Variants in EPS15 observed in about 807,000 individuals in gnomAD.
EPS15 encodes the protein epidermal growth factor receptor substrate 15.
Under a neutral mutation model 113.8 loss-of-function variants are expected in EPS15, and 72 were observed. The ratio of observed to expected loss-of-function variants is 0.63; its 90% CI spans 0.52 to 0.77. The LOEUF (loss-of-function observed/expected upper bound fraction) is 0.77. Among genes scored for constraint, EPS15 ranks in the 30% least tolerant of loss-of-function variants. The pLI is 0.00. For missense variants in EPS15, 1,048 were observed against 1,045.8 expected, an observed-to-expected ratio of 1.00 and a Z score of -0.03; for synonymous variants, 344 against 363.4, an observed-to-expected ratio of 0.95 and a Z score of 0.61.
At chr1:51,375,205 G>A (rs982435071) in intron 21 of EPS15, among the ~76,000 whole-genome samples, 1 of 151,108 alleles carries the variant, frequency 6.6e-6, no homozygotes, top group Non-Finnish European at 1.5e-5. Flanking sequence ...GTTTCACTGT[G>A]TTAGCTAGGA....
intron 4 of EPS15, among the ~76,000 whole-genome samples, chr1:51,469,085 G>A (rs967388785): frequency 5.3e-5 from 8 of 152,160 alleles, no homozygotes; most frequent in East Asian, 1.9e-4. Context: ...AGCCGAGATC[G>A]GGCTACTGCG....
chr1:51,409,562 T>C lies in EPS15; in HGVS notation c.1248A>G (p.Arg416=), dbSNP rs759083355. Residue 416 remains arginine, a synonymous_variant, in exon 14 of 25, where the codon AGA becomes AGG. Coordinates refer to ENST00000371733, the MANE Select transcript of EPS15 (RefSeq NM_001981.3). The part of the protein sequence containing the change: ...AQLEEQLKEV[R]KKCAEEAQLI... ...GTTGGGCCTCCTCAGCACATTTCTT[T>C]CTGACTTCCTTGAGTTGCTCCTCCA... 6.2e-7 allele frequency: 1 copy of C among 1,613,620 alleles called. No homozygotes were observed. Among genetic ancestry groups the C allele is most frequent in the East Asian group, 2.2e-5 (1 of 44,872 alleles).
In EPS15 at chr1:51,356,269, C is replaced by CA. The variant is rs1469568207; in HGVS notation, c.*430dup. 4.5e-6 allele frequency: 1 copy of CA among 224,546 alleles called. No homozygotes were observed. Among genetic ancestry groups the CA allele is most frequent in the East Asian group, 6.5e-5 (1 of 15,350 alleles). 13.9% of individuals were successfully genotyped at this position (224,546 alleles called of 1,614,324 possible). On this transcript the variant is annotated 3_prime_UTR_variant, in exon 25 of 25. Coordinates refer to ENST00000371733, the MANE Select transcript of EPS15 (RefSeq NM_001981.3). ...AATAAGATATTCTTTCCCTTACCCT[C>CA]ACTCAACCATTCCAATCAGGGGAGA...
rs1649087014 is a variant in EPS15 at position 51,405,989 on chromosome 1, G to A, written c.1593C>T (p.Thr531=). The change falls in exon 16 of 25, where the codon ACC becomes ACT. Residue 531 remains threonine, a synonymous_variant. Transcript: ENST00000371733. ...TAAGGTTGGCTGTTTCACTGCTGCT[G>A]GTGCTGAGGCTGCAATAATCTGTAG... ...NGATDYCSLS[T]SSSETANLNE... 1 of 1,614,038 alleles carries A rather than the reference G, an allele frequency of 6.2e-7. No individual in the cohort carries two copies. Among genetic ancestry groups the A allele is most frequent in the African/African-American group, 1.3e-5 (1 of 74,932 alleles).
chr1:51,443,850 T>G (rs1312336074), intron 11 of EPS15, among the ~76,000 whole-genome samples: 1 of 151,964 alleles, frequency 6.6e-6, no homozygotes. Flanking sequence ...AGAGACAGGG[T>G]CTTGCTATGT....
chr1:51,510,207 A>G (rs1335841020), intron 1 of EPS15, among the ~76,000 whole-genome samples: 1 of 152,214 alleles, frequency 6.6e-6, no homozygotes, highest in Non-Finnish European at 1.5e-5. Flanking sequence ...AAACACACGC[A>G]CACACACACC....
At position 51,449,905 on chromosome 1, in the gene EPS15, C is replaced by T. The variant is rs79091616; in HGVS notation, c.562-1770G>A. Among the ~76,000 whole-genome samples the T allele has an allele frequency of 6.4e-3, 975 of 151,840 alleles. 11 individuals are homozygous for T. Among genetic ancestry groups the T allele is most frequent in the South Asian group, 0.029 (142 of 4,824 alleles). On this transcript the variant is annotated intron_variant, in intron 8 of 24. Transcript: ENST00000371733. ...AGGAAGCCATGGTTGCAAAAAACTC[C>T]AAGTGCAGGGCAGCTTGATTCCAGG... is the stretch of plus-strand genomic sequence containing the variant.
At position 51,493,579 on chromosome 1, in the gene EPS15, A is replaced by AAAAT. The variant is rs1553136853; in HGVS notation, c.34-12269_34-12266dup. The stretch of plus-strand genomic sequence containing the variant: ...AAATAAATAAATAAATAAATAAATA[A>AAAAT]AAATAAAGCTCTATTCTTTTGAGGC... On this transcript the variant is annotated intron_variant, in intron 1 of 24. Transcript: ENST00000371733. Among the ~76,000 whole-genome samples, 1,185 of 140,980 alleles carry AAAAT rather than the reference A, an allele frequency of 8.4e-3. 9 individuals carry two copies. Among genetic ancestry groups the AAAAT allele is most frequent in the South Asian group, 0.012 (55 of 4,458 alleles). 92.5% of individuals were successfully genotyped at this position (140,980 alleles called of 152,430 possible).
At chr1:51,501,445 G>C (rs1269648676) in intron 1 of EPS15, among the ~76,000 whole-genome samples, 1 of 152,010 alleles carries the variant, frequency 6.6e-6, no homozygotes, top group Non-Finnish European at 1.5e-5. Context: ...GTTACTCATT[G>C]GTAGTATTAT....
chr1:51,506,374 T>G (rs1413758859), intron 1 of EPS15, among the ~76,000 whole-genome samples: 2 of 152,164 alleles, frequency 1.3e-5, no homozygotes, highest in South Asian at 4.1e-4. Context: ...CTTTCCTAAC[T>G]GGCCTCATAA....
At chr1:51,401,161 G>T in intron 18 of EPS15, 1 of 413,076 alleles carries the variant, frequency 2.4e-6, no homozygotes, top group Non-Finnish European at 4.3e-6. Flanking sequence ...TACGGATGGA[G>T]GGGAAGACAT....
chr1:51,481,454 T>C, intron 1 of EPS15, 140 bp from the exon 2 acceptor site: 1 of 599,264 alleles, frequency 1.7e-6, no homozygotes, highest in East Asian at 3.1e-5. Context: ...ATTTTGTTTC[T>C]TCTTGGGGAG....
intron 11 of EPS15, among the ~76,000 whole-genome samples, chr1:51,442,648 A>C (rs1283079692): frequency 1.3e-5 from 2 of 152,196 alleles, no homozygotes; most frequent in East Asian, 3.8e-4. Flanking sequence ...TGGATCAGAG[A>C]GCCTAGGGAA....
intron 5 of EPS15, among the ~76,000 whole-genome samples, 160 bp downstream of exon 5, chr1:51,468,313 T>C (rs1457619531): frequency 6.6e-6 from 1 of 151,960 alleles, no homozygotes; most frequent in African/African-American, 2.4e-5. Context: ...CACAAGAAAT[T>C]AACTAAAAAC....
chr1:51,471,290 G>A lies in EPS15; in HGVS notation c.213+400C>T, dbSNP rs140991333. On this transcript the variant is annotated intron_variant, in intron 4 of 24. Transcript: ENST00000371733. ...AATCATTTTTTGGTTTATATATCAG[G>A]AGTAAGATCTAGACCAGAATACTCA... 8.0e-3 allele frequency among the ~76,000 whole-genome samples: 1,225 copies of A among 152,226 alleles called. 14 individuals carry two copies. The highest frequency in any genetic ancestry group is 0.027 in the African/African-American group (1,110 of 41,514).
In EPS15 at chr1:51,483,256, A is replaced by C. The variant is rs551499123; in HGVS notation, c.34-1942T>G. 2.6e-5 allele frequency among the ~76,000 whole-genome samples: 4 copies of C among 152,298 alleles called. No homozygotes were observed. In the South Asian group the frequency reaches 8.3e-4, roughly 32 times the overall value. The stretch of plus-strand genomic sequence containing the variant: ...AGAGAGAGAGAAACCACATTCACAT[A>C]AATTTTATTACAGCATATTGTTATA... On this transcript the variant is annotated intron_variant, in intron 1 of 24. Coordinates refer to ENST00000371733, the MANE Select transcript of EPS15 (RefSeq NM_001981.3).
chr1:51,355,283 C>A lies in EPS15; in HGVS notation c.*1417G>T. 1 of 218,114 alleles carries A rather than the reference C, an allele frequency of 4.6e-6. No homozygotes were observed. The highest frequency in any genetic ancestry group is 9.2e-6 in the Non-Finnish European group (1 of 108,506). 13.5% of individuals were successfully genotyped at this position (218,114 alleles called of 1,614,324 possible). A position where few individuals can be genotyped will look rare whatever the true frequency, so the allele number is the denominator to read the frequency against. On this transcript the variant is annotated 3_prime_UTR_variant, in exon 25 of 25. Coordinates refer to ENST00000371733, the MANE Select transcript of EPS15 (RefSeq NM_001981.3). ...TATTTATAGGCTAGGCAATAAGTTACTCAGATTAACACAGATCAATACCAC... is the reference window on the plus strand; with the variant it reads ...TATTTATAGGCTAGGCAATAAGTTAATCAGATTAACACAGATCAATACCAC...
chr1:51,390,464 T>C (rs1557792221), intron 21 of EPS15, among the ~76,000 whole-genome samples: 2 of 152,092 alleles, frequency 1.3e-5, no homozygotes, highest in Non-Finnish European at 2.9e-5. Context: ...AATTGACAAA[T>C]GGGATCTCAT....
chr1:51,366,071 CATT>C, intron 21 of EPS15, 42 bp from the exon 22 acceptor site: 1 of 1,397,326 alleles, frequency 7.2e-7, no homozygotes, highest in Non-Finnish European at 9.9e-7. Flanking sequence ...GACAGTAAGA[CATT>C]TTTTTTTTTT....
Sources: gnomAD v4.1 joint callset for allele counts (sites outside exome capture counted in the v4.1 genomes callset) on GRCh38, gnomAD v4.1.1 for gene constraint, MANE v1.5 for transcripts, NCBI Gene and HGNC (gene_info 2026-07-23, HGNC 2026-07-21) for gene names.